Variants in PAPPA2 observed in about 807,000 individuals in gnomAD.
PAPPA2 encodes pappalysin-2.
In PAPPA2, 86 loss-of-function variants were observed where a neutral mutation model predicts 176.4. That is an observed-to-expected ratio of 0.49 (90% CI 0.41 to 0.58). The LOEUF (loss-of-function observed/expected upper bound fraction) is 0.58, where lower values mean the gene tolerates loss of function less well. Ranked by LOEUF, PAPPA2 falls within the 20% of genes least tolerant of loss-of-function variation. PAPPA2 has a pLI of 0.00. For synonymous variants in PAPPA2, 809 were observed against 852.2 expected (o/e 0.95, Z 0.88); for missense variants, 2,073 against 2,256.9 (o/e 0.92, Z 1.65).
chr1:176,683,099 A>G (rs1396273428), intron 4 of PAPPA2, among the ~76,000 whole-genome samples: 1 of 151,864 alleles, frequency 6.6e-6, no homozygotes, highest in Non-Finnish European at 1.5e-5. Context: ...ACCATGAGCC[A>G]CTTGGGCATT....
chr1:176,611,173 G>A (rs1038331626), intron 3 of PAPPA2, among the ~76,000 whole-genome samples: 4 of 152,158 alleles, frequency 2.6e-5, no homozygotes, highest in Non-Finnish European at 4.4e-5. Context: ...CAATCTGGGA[G>A]GGAATGGGAT....
At chr1:176,535,617 G>C (rs1160315833) in intron 1 of PAPPA2, among the ~76,000 whole-genome samples, 1 of 152,100 alleles carries the variant, frequency 6.6e-6, no homozygotes, top group Admixed American at 6.5e-5. Flanking sequence ...GAGGAAGAGG[G>C]TGCAGTGTGG....
At chr1:176,487,522 A>G (rs1203564495) in intron 1 of PAPPA2, among the ~76,000 whole-genome samples, 1 of 152,218 alleles carries the variant, frequency 6.6e-6, no homozygotes, top group Non-Finnish European at 1.5e-5. Flanking sequence ...TAGAAATCAG[A>G]AATAGCCAAG....
chr1:176,664,984 G>A (rs1260640283), intron 3 of PAPPA2, among the ~76,000 whole-genome samples: 4 of 152,102 alleles, frequency 2.6e-5, no homozygotes, highest in Admixed American at 6.6e-5. Flanking sequence ...GTACTGAGGG[G>A]GTGGAGTGAA....
intron 21 of PAPPA2, among the ~76,000 whole-genome samples, chr1:176,808,558 A>G (rs1454177430): frequency 6.6e-6 from 1 of 152,232 alleles, no homozygotes; most frequent in Non-Finnish European, 1.5e-5. Context: ...TTTTAAAATT[A>G]TAGTTATTTT....
chr1:176,629,762 G>A (rs1338765289), intron 3 of PAPPA2, among the ~76,000 whole-genome samples: 1 of 152,126 alleles, frequency 6.6e-6, no homozygotes, highest in African/African-American at 2.4e-5. Context: ...CATTGGGGAG[G>A]ACACTGGAAT....
At position 176,539,167 on chromosome 1, in the gene PAPPA2, G is replaced by A. The variant is rs141171675; in HGVS notation, c.-916-16240G>A. ...CGGGTGCTGGTGCAGTTAGGCAGAC[G>A]AGAATCATTCTGACAGCAGAGCTTA... On this transcript the variant is annotated intron_variant, in intron 1 of 22. Coordinates refer to ENST00000367662, the MANE Select transcript of PAPPA2 (RefSeq NM_020318.3). Among the ~76,000 whole-genome samples the A allele has an allele frequency of 2.4e-3, 373 of 152,304 alleles. 3 individuals are homozygous for A. Among genetic ancestry groups the A allele is most frequent in the African/African-American group, 8.8e-3 (367 of 41,576 alleles).
At chr1:176,590,515 CCTT>C (rs1395078460) in intron 2 of PAPPA2, among the ~76,000 whole-genome samples, 2 of 152,020 alleles carry the variant, frequency 1.3e-5, no homozygotes, top group African/African-American at 2.4e-5. Flanking sequence ...TCATGAAACT[CCTT>C]CTCCTCATCA....
chr1:176,824,130 A>G (rs2102977077), intron 21 of PAPPA2, among the ~76,000 whole-genome samples: 1 of 152,324 alleles, frequency 6.6e-6, no homozygotes, highest in South Asian at 2.1e-4. Flanking sequence ...TGCCTCTTAC[A>G]CTGTCTCAGT....
chr1:176,562,279 C>G (rs1051607106), intron 2 of PAPPA2, among the ~76,000 whole-genome samples: 4 of 152,170 alleles, frequency 2.6e-5, no homozygotes, highest in Admixed American at 1.3e-4. Context: ...ACATCCCCTT[C>G]TCCCAATAAG....
At chr1:176,734,151 C>T (rs1662289600) in intron 12 of PAPPA2, among the ~76,000 whole-genome samples, 1 of 152,128 alleles carries the variant, frequency 6.6e-6, no homozygotes, top group African/African-American at 2.4e-5. Context: ...CTTTCTGACA[C>T]TCCTTCCAAG....
At chr1:176,566,480 T>G (rs1651986853) in intron 2 of PAPPA2, among the ~76,000 whole-genome samples, 1 of 152,192 alleles carries the variant, frequency 6.6e-6, no homozygotes, top group Admixed American at 6.5e-5. Flanking sequence ...GGATGAGGCT[T>G]TGACTGACCC....
intron 1 of PAPPA2, among the ~76,000 whole-genome samples, chr1:176,535,676 A>G (rs1400103859): frequency 6.6e-6 from 1 of 152,142 alleles, no homozygotes; most frequent in African/African-American, 2.4e-5. Context: ...GATCAGACAG[A>G]CCTAGTTCTA....
intron 1 of PAPPA2, among the ~76,000 whole-genome samples, chr1:176,477,601 T>C (rs990295642): frequency 6.6e-6 from 1 of 151,750 alleles, no homozygotes; most frequent in African/African-American, 2.4e-5. Context: ...AAAAATTAGC[T>C]GGGAGTGGTG....
intron 1 of PAPPA2, among the ~76,000 whole-genome samples, chr1:176,480,763 C>A (rs535538090): frequency 6.6e-6 from 1 of 152,060 alleles, no homozygotes; most frequent in Non-Finnish European, 1.5e-5. Flanking sequence ...CCCCTTCTCC[C>A]TCTCCCCACC....
chr1:176,681,700 C>A (rs1035964284), intron 4 of PAPPA2, among the ~76,000 whole-genome samples: 1 of 152,130 alleles, frequency 6.6e-6, no homozygotes, highest in Non-Finnish European at 1.5e-5. Context: ...ACCACATCTC[C>A]AATATATAAA....
chr1:176,706,324 A>T (rs1660879205), intron 9 of PAPPA2, 35 bp from the exon 10 acceptor site: 1 of 1,542,022 alleles, frequency 6.5e-7, no homozygotes, highest in Non-Finnish European at 8.9e-7. Flanking sequence ...ATTTGTGTGT[A>T]TGTGTTATAT....
chr1:176,692,823 C>A (rs772624084), intron 6 of PAPPA2, among the ~76,000 whole-genome samples: 1 of 152,162 alleles, frequency 6.6e-6, no homozygotes, highest in Admixed American at 6.5e-5. Context: ...GTGCCTCCCC[C>A]TCTTAAGGCC....
chr1:176,609,441 A>G (rs1654787270), intron 3 of PAPPA2, among the ~76,000 whole-genome samples: 1 of 152,156 alleles, frequency 6.6e-6, no homozygotes, highest in Non-Finnish European at 1.5e-5. Context: ...AGTGCTAGAG[A>G]AGGAAATTCA....
Sources: gnomAD v4.1 joint callset for allele counts (sites outside exome capture counted in the v4.1 genomes callset) on GRCh38, gnomAD v4.1.1 for gene constraint, MANE v1.5 for transcripts, NCBI Gene and HGNC (gene_info 2026-07-23, HGNC 2026-07-21) for gene names.